Variants in DOCK6 observed in about 807,000 individuals in gnomAD.
The protein encoded by DOCK6 is dedicator of cytokinesis protein 6.
Under a neutral mutation model 230.3 loss-of-function variants are expected in DOCK6, and 167 were observed. That is an observed-to-expected ratio of 0.73 (90% CI 0.64 to 0.82). The LOEUF is 0.82. Among genes scored for constraint, DOCK6 ranks in the 40% least tolerant of loss-of-function variants. The pLI, the probability that DOCK6 is intolerant of heterozygous loss-of-function variation, is 0.00. For synonymous variants in DOCK6, 1,148 were observed against 1,185.0 expected, an observed-to-expected ratio of 0.97 and a Z score of 0.64; for missense variants, 2,598 against 2,825.8, an observed-to-expected ratio of 0.92 and a Z score of 1.83.
Position 11,236,969 on chromosome 19 carries a change from G to T in DOCK6, c.2074-90C>A. On this transcript the variant is annotated intron_variant, in intron 18 of 47. Coordinates refer to ENST00000294618, the MANE Select transcript of DOCK6 (RefSeq NM_020812.4). This position sits in a 1 kb window ranked among gnomAD's most constrained non-coding sequence, Gnocchi z 5.2. ...GCCCCAGCCATTGCGACACTGCAGCGTGAGTGTAGCCCGGTCTGGGGGTGC... is the reference window on the plus strand; with the variant it reads ...GCCCCAGCCATTGCGACACTGCAGCTTGAGTGTAGCCCGGTCTGGGGGTGC... The T allele has an allele frequency of 7.4e-7, 1 of 1,342,844 alleles. No homozygotes were observed. The highest frequency in any genetic ancestry group is 1.0e-6 in the Non-Finnish European group (1 of 983,342). 83.2% of individuals were successfully genotyped at this position (1,342,844 alleles called of 1,614,324 possible).
intron 28 of DOCK6, among the ~76,000 whole-genome samples, chr19:11,219,604 A>T (rs1267996377): frequency 6.6e-6 from 1 of 151,702 alleles, no homozygotes; most frequent in Admixed American, 6.6e-5. Flanking sequence ...CCTGGTTAAT[A>T]CAGTGAAACC....
chr19:11,211,920 G>T, intron 36 of DOCK6, 44 bp from the exon 37 acceptor site: 1 of 1,561,626 alleles, frequency 6.4e-7, no homozygotes, highest in Non-Finnish European at 8.7e-7. Flanking sequence ...GCATTAGGAA[G>T]TGAAGGGAGC....
chr19:11,241,599 G>A, intron 14 of DOCK6: 1 of 1,556,998 alleles, frequency 6.4e-7, no homozygotes, highest in Non-Finnish European at 8.7e-7. Flanking sequence ...TGGATGGGGG[G>A]CGCACAGGGC....
At chr19:11,216,501 G>A (rs10403539) in intron 30 of DOCK6, among the ~76,000 whole-genome samples, 12,592 of 151,580 alleles carry the variant, frequency 0.083, 622 homozygotes, top group African/African-American at 0.12. Context: ...TCCACCTCCC[G>A]GGTTCAAGTG....
rs750552316 is a variant in DOCK6 at position 11,200,454 on chromosome 19, C to T, written c.5955G>A (p.Leu1985=). The change falls in exon 47 of 48, where the codon CTG becomes CTA. Residue 1985 remains leucine, a synonymous_variant. Coordinates refer to ENST00000294618, the MANE Select transcript of DOCK6 (RefSeq NM_020812.4). This position sits in a 1 kb window ranked among gnomAD's most constrained non-coding sequence, Gnocchi z 4.3. Reference sequence around the variant, plus strand: ...GCCCAATCAGGGCCTTATTTTTCCGCAGCGCATCCTCACATCTGAGGGCCA... The same window carrying T: ...GCCCAATCAGGGCCTTATTTTTCCGTAGCGCATCCTCACATCTGAGGGCCA... ...KDFCKKCEDA[L]RKNKALIGPD... 43 of 1,610,958 alleles carry T rather than the reference C, an allele frequency of 2.7e-5. No homozygotes were observed. In the South Asian group the frequency reaches 4.5e-4, roughly 17 times the overall value.
intron 1 of DOCK6, among the ~76,000 whole-genome samples, chr19:11,260,102 G>C (rs142059949): frequency 5.5e-4 from 83 of 152,162 alleles, no homozygotes; most frequent in African/African-American, 1.9e-3. Flanking sequence ...GACCAGCTCT[G>C]AGTATGTAGA....
chr19:11,238,518 AAAACACAGATTGGG>A, intron 14 of DOCK6: 1 of 571,316 alleles, frequency 1.8e-6, no homozygotes. Context: ...GAGCACCCTA[AAAACACAGATTGGG>A]AACAGTGTGG....
In DOCK6 at chr19:11,216,156, A is replaced by G. The variant is rs532142495; in HGVS notation, c.3895-229T>C. 5.3e-4 allele frequency: 190 copies of G among 357,162 alleles called. 1 individual carries two copies. Among genetic ancestry groups the G allele is most frequent in the African/African-American group, 3.9e-3 (184 of 47,596 alleles). The allele number at this position is 357,162 out of a possible 1,614,324, so 22.1% of individuals were successfully genotyped here. A position where few individuals can be genotyped will look rare whatever the true frequency, so the allele number is the denominator to read the frequency against. ...GCCCAGGGTGAAGAGCAGTGGCATG[A>G]TCTTGGCTCATTGCAACCTCCACCT... is the stretch of plus-strand genomic sequence containing the variant. On this transcript the variant is annotated intron_variant, in intron 30 of 47. Transcript: ENST00000294618.
chr19:11,244,293 T>A (rs2079998216), intron 9 of DOCK6, among the ~76,000 whole-genome samples: 1 of 147,696 alleles, frequency 6.8e-6, no homozygotes, highest in South Asian at 2.1e-4. Flanking sequence ...ACAGGCTTGC[T>A]GTGAATTTTT....
At chr19:11,205,363 C>T (rs1347796017) in intron 39 of DOCK6, among the ~76,000 whole-genome samples, 1 of 152,048 alleles carries the variant, frequency 6.6e-6, no homozygotes, top group Non-Finnish European at 1.5e-5. Flanking sequence ...CTTAACCCCA[C>T]CCGTGTATTT....
chr19:11,233,512 G>A lies in DOCK6; in HGVS notation c.2555-146C>T, dbSNP rs916022377. On this transcript the variant is annotated intron_variant, in intron 21 of 47. Transcript: ENST00000294618. ...CTATAAAATAGGCATAATGGCTGCC[G>A]CCTCACAGAGATTGGGGGGGCACTG... is the stretch of plus-strand genomic sequence containing the variant. 7.4e-5 allele frequency: 78 copies of A among 1,057,126 alleles called. No individual in the cohort carries two copies. In the Admixed American group the frequency reaches 9.4e-4, roughly 13 times the overall value. 65.5% of individuals were successfully genotyped at this position (1,057,126 alleles called of 1,614,324 possible).
intron 1 of DOCK6, among the ~76,000 whole-genome samples, chr19:11,254,636 C>T (rs1413358303): frequency 6.6e-6 from 1 of 151,002 alleles, no homozygotes; most frequent in African/African-American, 2.4e-5. Context: ...GAGTCGAGAT[C>T]GCGCCACTGC....
chr19:11,221,830 A>G (rs774703163), intron 28 of DOCK6, 21 bp downstream of exon 28: 3 of 1,613,404 alleles, frequency 1.9e-6, no homozygotes, highest in East Asian at 2.2e-5. Context: ...ATGTGACCCC[A>G]TCTTCCCCTG....
intron 39 of DOCK6, chr19:11,208,467 G>A (rs1397363046): frequency 4.0e-6 from 2 of 497,454 alleles, no homozygotes; most frequent in African/African-American, 1.9e-5. Context: ...TTTTAGTAGA[G>A]ACAGGGTTTC....
At chr19:11,244,755 A>C (rs967971806) in intron 9 of DOCK6, among the ~76,000 whole-genome samples, 5 of 151,888 alleles carry the variant, frequency 3.3e-5, no homozygotes, top group African/African-American at 1.2e-4. Context: ...CACCGCGCCC[A>C]GCCAATTTTT....
At chr19:11,213,842 G>A (rs1378950638) in intron 34 of DOCK6, among the ~76,000 whole-genome samples, 1 of 150,688 alleles carries the variant, frequency 6.6e-6, no homozygotes, top group Non-Finnish European at 1.5e-5. Flanking sequence ...TGTTGCCCAG[G>A]CTGGAGTCCA....
intron 14 of DOCK6, chr19:11,240,273 T>A (rs2147842461): frequency 6.3e-7 from 1 of 1,582,108 alleles, no homozygotes; most frequent in South Asian, 1.2e-5. Context: ...GGGCCCTGCC[T>A]ACCGAGAATT....
rs1245107686 is a variant in DOCK6, at chr19:11,252,202, G to C, written c.424C>G (p.Gln142Glu). The change falls in exon 5 of 48, where the codon CAG (glutamine) becomes GAG (glutamate). Residue 142 changes from glutamine to glutamate, a missense_variant. Coordinates refer to ENST00000294618, the MANE Select transcript of DOCK6 (RefSeq NM_020812.4). ...AAYSPVTTDT[Q>E]RERQKGLPRQ... ...GGGAGGCCCTTCTGTCGCTCCCGCT[G>C]TGTGTCTGTGGTGACGGGGCTGTAT... The C allele has an allele frequency of 3.2e-6, 5 of 1,582,880 alleles. No individual in the cohort carries two copies. Among genetic ancestry groups the C allele is most frequent in the Non-Finnish European group, 4.3e-6 (5 of 1,164,688 alleles).
intron 2 of DOCK6, 21 bp downstream of exon 2, chr19:11,253,618 G>T: frequency 7.2e-7 from 1 of 1,380,754 alleles, no homozygotes; most frequent in Non-Finnish European, 9.4e-7. Flanking sequence ...AGGGCTGGGG[G>T]CGGACCCCCC....
Sources: allele counts gnomAD v4.1 joint callset (sites outside exome capture counted in the v4.1 genomes callset), GRCh38; gene constraint gnomAD v4.1.1; non-coding constraint Gnocchi (gnomAD v3.1); transcripts MANE v1.5; gene names NCBI Gene and HGNC (gene_info 2026-07-23, HGNC 2026-07-21).